The following PICK1 variants were observed in gnomAD, a reference collection of about 807,000 sequenced individuals.
PICK1 encodes the protein protein interacting with PRKCA 1.
A neutral mutation model predicts 48.9 loss-of-function variants in PICK1; 23 were observed. The observed-to-expected ratio is 0.47, with a 90% CI of 0.34 to 0.67. The LOEUF is 0.67. Ranked by LOEUF, PICK1 falls within the 30% of genes least tolerant of loss-of-function variation. The pLI is 0.01. For missense variants in PICK1, 423 were observed against 557.1 expected, an observed-to-expected ratio of 0.76 and a Z score of 2.42; for synonymous variants, 217 against 228.2, an observed-to-expected ratio of 0.95 and a Z score of 0.44.
chr22:38,059,416 C>G, intron 3 of PICK1, 71 bp downstream of exon 3: 1 of 1,027,624 alleles, frequency 9.7e-7, no homozygotes, highest in African/African-American at 1.6e-5. Context: ...GTTCATTTCT[C>G]CACACTGCAT....
rs755997176 is a variant in PICK1, at chr22:38,065,320, C to T, written c.282+190C>T. ...CCTCATTCATTCAATAAATACTAAT[C>T]GTGCTCCAGGACTTGTGCTGAACCT... On this transcript the variant is annotated intron_variant, in intron 4 of 12. Coordinates refer to ENST00000356976, the MANE Select transcript of PICK1 (RefSeq NM_012407.4). 2.5e-4 allele frequency: 152 copies of T among 619,426 alleles called. 2 individuals are homozygous for T. Among genetic ancestry groups the T allele is most frequent in the African/African-American group, 1.1e-4 (6 of 55,192 alleles). 38.4% of individuals were successfully genotyped at this position (619,426 alleles called of 1,614,324 possible).
At chr22:38,059,466 A>G in intron 3 of PICK1, 121 bp downstream of exon 3, 2 of 745,522 alleles carry the variant, frequency 2.7e-6, no homozygotes, top group South Asian at 3.0e-5. Flanking sequence ...ACCCTCTCAG[A>G]GGGGCTTTCT....
intron 3 of PICK1, among the ~76,000 whole-genome samples, chr22:38,060,772 A>G (rs2085380674): frequency 6.8e-6 from 1 of 147,846 alleles, no homozygotes; most frequent in Admixed American, 6.7e-5. Context: ...TTTTTGAGAC[A>G]GAGTCTCACT....
chr22:38,064,219 A>G (rs1180580243), intron 3 of PICK1, among the ~76,000 whole-genome samples: 1 of 151,948 alleles, frequency 6.6e-6, no homozygotes, highest in Non-Finnish European at 1.5e-5. Context: ...CACCATGCCC[A>G]GCTAATTTTT....
rs373079184 is a variant in PICK1, at chr22:38,073,805, C to T, written c.816C>T (p.Asp272=). The T allele has an allele frequency of 1.5e-5, 24 of 1,612,986 alleles. No homozygotes were observed. The highest frequency in any genetic ancestry group is 1.6e-4 in the Middle Eastern group (1 of 6,084). Residue 272 remains aspartate (D), a synonymous_variant, in exon 11 of 13, where the codon GAC becomes GAT. Transcript: ENST00000356976. This position sits in a 1 kb window ranked among gnomAD's most constrained non-coding sequence, Gnocchi z 5.7. The stretch of plus-strand genomic sequence containing the variant: ...GCCTGAAGGTGAAGGAGATGGATGA[C>T]GAGGAATACAGCTGCATTGTGAGTG... ...SYCLKVKEMD[D]EEYSCIALGE...
At chr22:38,068,252 G>A (rs571009670) in intron 5 of PICK1, 14 of 388,634 alleles carry the variant, frequency 3.6e-5, no homozygotes, top group African/African-American at 1.5e-4. Flanking sequence ...GAGGGTCTGC[G>A]CCCTGGGACA....
chr22:38,074,900 C>T lies in PICK1; in HGVS notation c.1016C>T (p.Ser339Phe), dbSNP rs895122027. The T allele has an allele frequency of 2.5e-6, 4 of 1,613,406 alleles. No homozygotes were observed. Among genetic ancestry groups the T allele is most frequent in the South Asian group, 1.1e-5 (1 of 91,092 alleles). Reference protein sequence around the residue: ...DIVFQLQRLVSTMSKYYNDCY... With the variant: ...DIVFQLQRLVFTMSKYYNDCY... ...GTGTTCCAGCTGCAGCGCCTCGTGTCCACCATGTCCAAGTACTACAACGAC... is the reference window on the plus strand; with the variant it reads ...GTGTTCCAGCTGCAGCGCCTCGTGTTCACCATGTCCAAGTACTACAACGAC... Residue 339 changes from serine (S) to phenylalanine (F), a missense_variant, in exon 13 of 13, where the codon TCC becomes TTC. This residue lies in a region of PICK1 where 144 missense variants were observed against 139.3 expected (regional missense o/e 1.03). Coordinates refer to ENST00000356976, the MANE Select transcript of PICK1 (RefSeq NM_012407.4). The surrounding 1 kb of genome is among the most constrained non-coding windows in gnomAD (Gnocchi z 4.5).
intron 5 of PICK1, among the ~76,000 whole-genome samples, chr22:38,068,794 G>A (rs576653143): frequency 2.6e-5 from 4 of 152,302 alleles, no homozygotes; most frequent in South Asian, 2.1e-4. Context: ...CTGATGTTGC[G>A]TAGCAGGCCC....
intron 9 of PICK1, among the ~76,000 whole-genome samples, 171 bp from the exon 10 acceptor site, chr22:38,072,829 G>A (rs542452873): frequency 4.3e-4 from 65 of 152,232 alleles, no homozygotes; most frequent in African/African-American, 1.5e-3. Flanking sequence ...GTCACAGCTT[G>A]CCCTAGGCCT....
In PICK1 at chr22:38,074,535, C is replaced by A; in HGVS notation, c.979+84C>A. 6.5e-7 allele frequency: 1 copy of A among 1,547,902 alleles called. No homozygotes were observed. ...CAGAGGGGTACTCTCAGGGCCAGGC[C>A]ACGGCCCAGATGTAAAGCCCCTCCA... On this transcript the variant is annotated intron_variant, in intron 12 of 12. Coordinates refer to ENST00000356976, the MANE Select transcript of PICK1 (RefSeq NM_012407.4). The surrounding 1 kb of genome is among the most constrained non-coding windows in gnomAD (Gnocchi z 4.5).
Position 38,075,399 on chromosome 22 carries a change from C to T in PICK1, c.*267C>T. On this transcript the variant is annotated 3_prime_UTR_variant, in exon 13 of 13. Transcript: ENST00000356976. ...AGGGAGAGCTTGGTCTCTGGACCTGCCTTAGGAAGGAGAGGGAGGGCAGGA... is the reference window on the plus strand; with the variant it reads ...AGGGAGAGCTTGGTCTCTGGACCTGTCTTAGGAAGGAGAGGGAGGGCAGGA... 2.1e-6 allele frequency: 1 copy of T among 478,134 alleles called. No homozygotes were observed. The highest frequency in any genetic ancestry group is 3.7e-6 in the Non-Finnish European group (1 of 268,394). The allele number at this position is 478,134 out of a possible 1,614,324, so 29.6% of individuals were successfully genotyped here. A position where few individuals can be genotyped will look rare whatever the true frequency, so the allele number is the denominator to read the frequency against.
chr22:38,071,645 T>G, intron 7 of PICK1, 37 bp from the exon 8 acceptor site: 2 of 1,593,968 alleles, frequency 1.3e-6, no homozygotes, highest in Non-Finnish European at 1.7e-6. Flanking sequence ...GTCCCCGCCA[T>G]GCGTCCCCAT....
Position 38,074,748 on chromosome 22 carries a change from G to A in PICK1, c.980-116G>A. On this transcript the variant is annotated intron_variant, in intron 12 of 12. Transcript: ENST00000356976. This position sits in a 1 kb window ranked among gnomAD's most constrained non-coding sequence, Gnocchi z 4.5. ...CCAGGTCATGAGGGGTCAGGGAAGT[G>A]CCCGAGTGGGAAGCCCAGGGGAGGC... is the stretch of plus-strand genomic sequence containing the variant. 7 of 1,367,080 alleles carry A rather than the reference G, an allele frequency of 5.1e-6. No individual in the cohort carries two copies. In the South Asian group the frequency reaches 7.6e-5, roughly 15 times the overall value. 84.7% of individuals were successfully genotyped at this position (1,367,080 alleles called of 1,614,324 possible). A position where few individuals can be genotyped will look rare whatever the true frequency, so the allele number is the denominator to read the frequency against.
At chr22:38,067,844 C>T (rs2085569490) in intron 5 of PICK1, 74 bp downstream of exon 5, 1 of 1,212,532 alleles carries the variant, frequency 8.2e-7, no homozygotes, top group Non-Finnish European at 1.2e-6. Context: ...AGAAGTGCCA[C>T]AGCCAGCCCT....
intron 6 of PICK1, 74 bp from the exon 7 acceptor site, chr22:38,070,764 C>T (rs1028440848): frequency 7.4e-7 from 1 of 1,352,606 alleles, no homozygotes; most frequent in Non-Finnish European, 1.1e-6. Flanking sequence ...TGCCTCTCCC[C>T]TCCCCAGCAT....
Position 38,067,173 on chromosome 22 carries a change from G to A in PICK1, c.283-531G>A, listed in dbSNP as rs560386361. ...TCAGAGACCGCCAGGCTGTGGGCCC[G>A]GTGCCGGCCCTGTCCCCACTGATTC... On this transcript the variant is annotated intron_variant, in intron 4 of 12. Transcript: ENST00000356976. Among the ~76,000 whole-genome samples, 57 of 152,224 alleles carry A rather than the reference G, an allele frequency of 3.7e-4. 2 individuals are homozygous for A. In the South Asian group the frequency reaches 0.011, roughly 29 times the overall value.
chr22:38,072,930 C>T, intron 9 of PICK1, 70 bp from the exon 10 acceptor site: 3 of 997,056 alleles, frequency 3.0e-6, no homozygotes, highest in Non-Finnish European at 4.9e-6. Flanking sequence ...GGTGACGCAT[C>T]AGTGCCATTC....
At chr22:38,063,053 G>A (rs1298416189) in intron 3 of PICK1, among the ~76,000 whole-genome samples, 1 of 152,128 alleles carries the variant, frequency 6.6e-6, no homozygotes, top group African/African-American at 2.4e-5. Flanking sequence ...GCGTCATCGG[G>A]AACACCATGT....
At position 38,057,404 on chromosome 22, in the gene PICK1, G is replaced by A. The variant is rs1209680607; in HGVS notation, c.-241G>A. ...TTCCGCGTCTTGCCGGAAGTGACGTGACAATCGCGGCCACCGCCAGGTGGA... is the reference window on the plus strand; with the variant it reads ...TTCCGCGTCTTGCCGGAAGTGACGTAACAATCGCGGCCACCGCCAGGTGGA... On this transcript the variant is annotated 5_prime_UTR_variant, in exon 1 of 13. Coordinates refer to ENST00000356976, the MANE Select transcript of PICK1 (RefSeq NM_012407.4). 2.6e-5 allele frequency: 6 copies of A among 231,660 alleles called. No individual in the cohort carries two copies. Among genetic ancestry groups the A allele is most frequent in the East Asian group, 9.8e-5 (1 of 10,244 alleles). 14.4% of individuals were successfully genotyped at this position (231,660 alleles called of 1,614,324 possible). A position where few individuals can be genotyped will look rare whatever the true frequency, so the allele number is the denominator to read the frequency against.
Sources: allele counts gnomAD v4.1 joint callset (sites outside exome capture counted in the v4.1 genomes callset), GRCh38; gene constraint gnomAD v4.1.1; regional missense constraint gnomAD v4.1.1; non-coding constraint Gnocchi (gnomAD v3.1); transcripts MANE v1.5; gene names NCBI Gene and HGNC (gene_info 2026-07-23, HGNC 2026-07-21).